RBFOX1: variants seen among roughly 807,000 people sequenced by gnomAD.
The protein encoded by RBFOX1 is RNA binding protein fox-1 homolog 1.
Under a neutral mutation model 57.7 loss-of-function variants are expected in RBFOX1, and 8 were observed. That is an observed-to-expected ratio of 0.14 (90% CI 0.08 to 0.25). The LOEUF (loss-of-function observed/expected upper bound fraction) is 0.25. Ranked by LOEUF, RBFOX1 falls within the 10% of genes least tolerant of loss-of-function variation. The pLI is 1.00. For synonymous variants in RBFOX1, 326 were observed against 222.4 expected (o/e 1.47, Z -4.15); for missense variants, 611 against 548.5 (o/e 1.11, Z -1.14).
At chr16:5,713,795 G>A (rs867584514) in intron 3 of RBFOX1, among the ~76,000 whole-genome samples, 11 of 152,130 alleles carry the variant, frequency 7.2e-5, no homozygotes, top group Non-Finnish European at 1.5e-4. Flanking sequence ...TGCCCAAGTC[G>A]ATAAGAGCTA....
At chr16:5,830,549 G>A (rs897871750) in intron 3 of RBFOX1, among the ~76,000 whole-genome samples, 5 of 152,158 alleles carry the variant, frequency 3.3e-5, no homozygotes, top group African/African-American at 9.7e-5. Flanking sequence ...CCCAGCCAGA[G>A]TGGTGACTTC....
At chr16:7,582,325 T>C (rs2093835377) in intron 6 of RBFOX1, among the ~76,000 whole-genome samples, 1 of 152,204 alleles carries the variant, frequency 6.6e-6, no homozygotes, top group Non-Finnish European at 1.5e-5. Flanking sequence ...ATAGCATCTG[T>C]GTCCCTTTTT....
intron 2 of RBFOX1, among the ~76,000 whole-genome samples, chr16:6,625,326 A>G (rs150402880): frequency 6.6e-6 from 1 of 152,142 alleles, no homozygotes; most frequent in Non-Finnish European, 1.5e-5. Context: ...TAAAAAATGT[A>G]GCTAATTTCT....
At chr16:7,661,762 C>T (rs1049451734) in intron 12 of RBFOX1, among the ~76,000 whole-genome samples, 9 of 152,118 alleles carry the variant, frequency 5.9e-5, no homozygotes, top group African/African-American at 2.2e-4. Context: ...ATGTATTTGG[C>T]TTGTTTGAGC....
At chr16:6,484,794 A>T (rs2095439666) in intron 2 of RBFOX1, among the ~76,000 whole-genome samples, 1 of 152,162 alleles carries the variant, frequency 6.6e-6, no homozygotes, top group Non-Finnish European at 1.5e-5. Flanking sequence ...TTATGAAATT[A>T]TTTGCTAAAA....
At chr16:5,999,574 G>T (rs2152327536) in intron 4 of RBFOX1, among the ~76,000 whole-genome samples, 1 of 152,318 alleles carries the variant, frequency 6.6e-6, no homozygotes, top group Non-Finnish European at 1.5e-5. Context: ...GGGCGCCGCT[G>T]GGTGCGGCTG....
At chr16:5,372,345 A>G (rs537916418) in intron 1 of RBFOX1, among the ~76,000 whole-genome samples, 28 of 152,310 alleles carry the variant, frequency 1.8e-4, no homozygotes, top group African/African-American at 4.1e-4. Flanking sequence ...TTCTCCCCCA[A>G]TAAAGATGGT....
At chr16:5,989,358 A>C (rs1466423730) in intron 4 of RBFOX1, among the ~76,000 whole-genome samples, 1 of 152,018 alleles carries the variant, frequency 6.6e-6, no homozygotes, top group Non-Finnish European at 1.5e-5. Flanking sequence ...CAAACAAAAA[A>C]ACCCCAAAAA....
chr16:7,069,652 G>C (rs1453169153), intron 4 of RBFOX1, among the ~76,000 whole-genome samples: 3 of 152,158 alleles, frequency 2.0e-5, no homozygotes, highest in South Asian at 4.1e-4. Flanking sequence ...ACTCAACTGA[G>C]GATAAATGGG....
At chr16:5,310,991 C>T (rs1270274544) in intron 1 of RBFOX1, among the ~76,000 whole-genome samples, 1 of 152,086 alleles carries the variant, frequency 6.6e-6, no homozygotes, top group African/African-American at 2.4e-5. Context: ...TTCCTCACCC[C>T]CACTACCCCT....
chr16:7,630,458 G>C lies in RBFOX1; in HGVS notation c.677-145G>C. 5.3e-6 allele frequency: 8 copies of C among 1,503,486 alleles called. No homozygotes were observed. The South Asian group carries it at 9.9e-5, about 19-fold the overall frequency. The allele number at this position is 1,503,486 out of a possible 1,614,324, so 93.1% of individuals were successfully genotyped here. A position where few individuals can be genotyped will look rare whatever the true frequency, so the allele number is the denominator to read the frequency against. ...CATTGATTCCCTTTGGCTAAGGCAG[G>C]GGGCTTTGTTGGGTACCCTTGTCCT... On this transcript the variant is annotated intron_variant, in intron 10 of 15. Transcript: ENST00000550418.
chr16:6,704,197 T>C (rs141889929), intron 3 of RBFOX1: 4 of 152,352 alleles, frequency 2.6e-5, no homozygotes, highest in Admixed American at 1.3e-4. Context: ...AAATGGGTCA[T>C]GCAGGAGTTA....
chr16:5,608,190 A>G (rs1218581018), intron 3 of RBFOX1, among the ~76,000 whole-genome samples: 1 of 152,222 alleles, frequency 6.6e-6, no homozygotes, highest in Non-Finnish European at 1.5e-5. Context: ...GTGAATTGTC[A>G]TAACACCCCG....
intron 10 of RBFOX1, among the ~76,000 whole-genome samples, chr16:7,609,962 T>A (rs2057111523): frequency 6.9e-6 from 1 of 144,920 alleles, no homozygotes; most frequent in Non-Finnish European, 1.5e-5. Context: ...GGACTACAGG[T>A]ATCCGCCACC....
chr16:7,700,240 A>T (rs1447939213), intron 14 of RBFOX1, among the ~76,000 whole-genome samples: 1 of 152,194 alleles, frequency 6.6e-6, no homozygotes, highest in African/African-American at 2.4e-5. Flanking sequence ...CAATAGCTGC[A>T]GTCCTCTCAG....
intron 1 of RBFOX1, among the ~76,000 whole-genome samples, chr16:6,149,520 C>G (rs1325298509): frequency 1.3e-5 from 2 of 152,112 alleles, no homozygotes; most frequent in Non-Finnish European, 2.9e-5. Context: ...ACATAAGGCC[C>G]CAGAAATTCT....
In RBFOX1 at chr16:6,822,280, C is replaced by T. The variant is rs118106255; in HGVS notation, c.-16+167630C>T. On this transcript the variant is annotated intron_variant, in intron 3 of 15. Transcript: ENST00000550418. Reference sequence around the variant, plus strand: ...TCAGTAGTCCCACTTTCTGCCTTTTCCATTCTATCACCATTATTCTTTGTT... The same window carrying T: ...TCAGTAGTCCCACTTTCTGCCTTTTTCATTCTATCACCATTATTCTTTGTT... Among the ~76,000 whole-genome samples the T allele has an allele frequency of 8.6e-3, 1,302 of 152,240 alleles. 19 individuals are homozygous for T. The highest frequency in any genetic ancestry group is 0.012 in the Non-Finnish European group (807 of 68,016).
intron 1 of RBFOX1, among the ~76,000 whole-genome samples, chr16:5,461,476 T>C (rs656262): frequency 0.027 from 4,101 of 152,066 alleles, 121 homozygotes; most frequent in African/African-American, 0.073. Flanking sequence ...AACTAAAACT[T>C]TGGGCCCTGC....
At chr16:5,359,907 A>G (rs1358488) in intron 1 of RBFOX1, among the ~76,000 whole-genome samples, 152,306 of 152,328 alleles carry the variant, frequency 1, 76,142 homozygotes, top group Middle Eastern at 1. Flanking sequence ...GGGACTTGCC[A>G]ATTCTCACAT....
Sources: allele counts gnomAD v4.1 joint callset (sites outside exome capture counted in the v4.1 genomes callset), GRCh38; gene constraint gnomAD v4.1.1; transcripts MANE v1.5; gene names NCBI Gene and HGNC (gene_info 2026-07-23, HGNC 2026-07-21).